Variants in PCED1B observed in about 807,000 individuals in gnomAD.
PCED1B encodes the protein PC-esterase domain-containing protein 1B.
For missense variants in PCED1B, 573 were observed against 573.9 expected (o/e 1.00, Z 0.02); for synonymous variants, 251 against 246.1 (o/e 1.02, Z -0.19).
intron 2 of PCED1B, among the ~76,000 whole-genome samples, chr12:47,162,709 T>C (rs1371849791): frequency 6.6e-6 from 1 of 152,144 alleles, no homozygotes; most frequent in African/African-American, 2.4e-5. Flanking sequence ...TTATGGTAAC[T>C]CATAGAACAA....
intron 1 of PCED1B, among the ~76,000 whole-genome samples, chr12:47,101,946 C>G (rs908690168): frequency 7.3e-6 from 1 of 137,564 alleles, no homozygotes; most frequent in Non-Finnish European, 1.6e-5. Context: ...AACTCCATCT[C>G]AAAAAAAAAA....
intron 2 of PCED1B, among the ~76,000 whole-genome samples, chr12:47,206,978 T>A (rs914380874): frequency 1.3e-5 from 2 of 152,204 alleles, no homozygotes; most frequent in African/African-American, 4.8e-5. Flanking sequence ...GACTTTGACA[T>A]ACTCATCCAA....
At chr12:47,180,767 C>T (rs1012855330) in intron 2 of PCED1B, among the ~76,000 whole-genome samples, 22 of 152,016 alleles carry the variant, frequency 1.4e-4, no homozygotes, top group Admixed American at 3.9e-4. Flanking sequence ...AAAATTAAAA[C>T]GTGGGCAAAG....
chr12:47,129,590 TAA>T (rs147124501), intron 2 of PCED1B, among the ~76,000 whole-genome samples: 3 of 150,926 alleles, frequency 2.0e-5, no homozygotes, highest in Non-Finnish European at 3.0e-5. Context: ...CCTAGCCAAT[TAA>T]AAAAAAAATT....
chr12:47,235,105 C>G lies in PCED1B; in HGVS notation c.42C>G (p.His14Gln), dbSNP rs1385247538. 1.3e-6 allele frequency: 2 copies of G among 1,530,356 alleles called. No homozygotes were observed. Among genetic ancestry groups the G allele is most frequent in the Non-Finnish European group, 1.8e-6 (2 of 1,140,480 alleles). The allele number at this position is 1,530,356 out of a possible 1,614,324, so 94.8% of individuals were successfully genotyped here. ...CCTCCGAAGTGCGGCAGCTGCTTCA[C>G]AATAAGTTCGTGGTCATCCTGGGGG... ...LRASEVRQLL[H>Q]NKFVVILGDS... Residue 14 changes from histidine (H) to glutamine (Q), a missense_variant, in exon 4 of 4, where the codon CAC becomes CAG. Physicochemically the swap from His to Gln is conservative, Grantham distance 24. Transcript: ENST00000546455.
chr12:47,111,537 T>G (rs531721903), intron 2 of PCED1B, among the ~76,000 whole-genome samples: 1 of 152,110 alleles, frequency 6.6e-6, no homozygotes, highest in Non-Finnish European at 1.5e-5. Context: ...CACAAGACTC[T>G]TTCCGTCTTG....
At chr12:47,090,182 C>A (rs377447022) in intron 1 of PCED1B, among the ~76,000 whole-genome samples, 1 of 152,038 alleles carries the variant, frequency 6.6e-6, no homozygotes, top group Non-Finnish European at 1.5e-5. Context: ...AGCCCAATAA[C>A]GGAGAATGCA....
At chr12:47,198,226 AG>A (rs1942664335) in intron 2 of PCED1B, among the ~76,000 whole-genome samples, 1 of 152,346 alleles carries the variant, frequency 6.6e-6, no homozygotes, top group Admixed American at 6.5e-5. Context: ...CGAGGTATAC[AG>A]GGTGGTTCAA....
chr12:47,184,383 C>T (rs1335533199), intron 2 of PCED1B, among the ~76,000 whole-genome samples: 2 of 152,018 alleles, frequency 1.3e-5, no homozygotes, highest in Non-Finnish European at 1.5e-5. Flanking sequence ...CAAATACTCC[C>T]GCCACATTGG....
intron 2 of PCED1B, among the ~76,000 whole-genome samples, chr12:47,132,932 T>C (rs1940191673): frequency 6.6e-6 from 1 of 152,202 alleles, no homozygotes; most frequent in Non-Finnish European, 1.5e-5. Flanking sequence ...AGGGGGGAAA[T>C]GGTGATAATG....
At chr12:47,099,970 A>G (rs1452289822) in intron 1 of PCED1B, among the ~76,000 whole-genome samples, 2 of 152,248 alleles carry the variant, frequency 1.3e-5, no homozygotes, top group Non-Finnish European at 1.5e-5. Context: ...GTACAGGTGT[A>G]TAAACTCAGT....
intron 1 of PCED1B, among the ~76,000 whole-genome samples, chr12:47,100,445 T>C (rs1450935514): frequency 2.6e-5 from 4 of 152,214 alleles, no homozygotes. Flanking sequence ...ATCTTTATAC[T>C]AAAAAAGATA....
At chr12:47,196,043 T>C (rs932147862) in intron 2 of PCED1B, among the ~76,000 whole-genome samples, 5 of 152,266 alleles carry the variant, frequency 3.3e-5, no homozygotes, top group African/African-American at 1.2e-4. Flanking sequence ...GATGCATTAA[T>C]TTCAGTTCCA....
At chr12:47,180,206 T>C (rs1942051313) in intron 2 of PCED1B, among the ~76,000 whole-genome samples, 1 of 152,158 alleles carries the variant, frequency 6.6e-6, no homozygotes, top group African/African-American at 2.4e-5. Context: ...GGTTTTCTGT[T>C]CCCGTGTTAG....
chr12:47,197,372 C>T (rs1234636001), intron 2 of PCED1B, among the ~76,000 whole-genome samples: 2 of 150,954 alleles, frequency 1.3e-5, no homozygotes, highest in Admixed American at 6.6e-5. Context: ...TTTGGGAGGC[C>T]GAGGAAGGTG....
intron 2 of PCED1B, among the ~76,000 whole-genome samples, chr12:47,186,131 C>T (rs942312810): frequency 4.0e-5 from 6 of 151,320 alleles, no homozygotes; most frequent in Non-Finnish European, 8.8e-5. Context: ...GGCAGGAGAA[C>T]TGCTTGAACC....
At chr12:47,181,600 C>T (rs1942098755) in intron 2 of PCED1B, among the ~76,000 whole-genome samples, 1 of 152,088 alleles carries the variant, frequency 6.6e-6, no homozygotes, top group African/African-American at 2.4e-5. Context: ...CTCCCAACCT[C>T]AGGTGATCTG....
At chr12:47,211,948 G>A (rs1157736145) in intron 2 of PCED1B, among the ~76,000 whole-genome samples, 4 of 151,052 alleles carry the variant, frequency 2.6e-5, no homozygotes, top group Non-Finnish European at 5.9e-5. Context: ...AGTGGCGGGC[G>A]CCTGTAGTCC....
intron 2 of PCED1B, among the ~76,000 whole-genome samples, chr12:47,118,483 CA>C (rs1415145425): frequency 1.3e-5 from 2 of 152,102 alleles, no homozygotes; most frequent in African/African-American, 4.8e-5. Context: ...TCAGGTTTGT[CA>C]AAGATCAGAT....
Sources: allele counts gnomAD v4.1 joint callset (sites outside exome capture counted in the v4.1 genomes callset), GRCh38; gene constraint gnomAD v4.1.1; transcripts MANE v1.5; gene names NCBI Gene and HGNC (gene_info 2026-07-23, HGNC 2026-07-21).